WSCD2: variants seen among roughly 807,000 people sequenced by gnomAD.
WSCD2 encodes sialate:O-sulfotransferase 2.
Under a neutral mutation model 55.7 loss-of-function variants are expected in WSCD2, and 28 were observed. The observed-to-expected ratio is 0.50, with a 90% CI of 0.37 to 0.69. WSCD2 has a LOEUF of 0.69. Among genes scored for constraint, WSCD2 ranks in the 30% least tolerant of loss-of-function variants. WSCD2 has a pLI of 0.00. For missense variants in WSCD2, 616 were observed against 762.1 expected (o/e 0.81, Z 2.26); for synonymous variants, 301 against 301.9 (o/e 1.00, Z 0.03).
At chr12:108,237,129 T>C (rs967181319) in intron 7 of WSCD2, among the ~76,000 whole-genome samples, 1 of 152,230 alleles carries the variant, frequency 6.6e-6, no homozygotes, top group Admixed American at 6.5e-5. Context: ...TGTCCATGCC[T>C]GGAGCCAAGA....
Position 108,241,214 on chromosome 12 carries a change from C to T in WSCD2, c.1345+670C>T, listed in dbSNP as rs192660748. On this transcript the variant is annotated intron_variant, in intron 8 of 8. Coordinates refer to ENST00000547525, the MANE Select transcript of WSCD2 (RefSeq NM_014653.4). Reference sequence around the variant, plus strand: ...GGAAATGACAGCATTGAGCCCCAAGCATGGAACGTACTAAGATGACCTGGG... The same window carrying T: ...GGAAATGACAGCATTGAGCCCCAAGTATGGAACGTACTAAGATGACCTGGG... Among the ~76,000 whole-genome samples the T allele has an allele frequency of 3.3e-5, 5 of 152,304 alleles. No individual in the cohort carries two copies. In the East Asian group the frequency reaches 9.6e-4, roughly 29 times the overall value.
intron 2 of WSCD2, among the ~76,000 whole-genome samples, chr12:108,200,488 C>CA (rs1884525355): frequency 1.4e-5 from 2 of 148,016 alleles, no homozygotes; most frequent in African/African-American, 2.5e-5. Context: ...TTCATTTATT[C>CA]TTTCATTCAT....
chr12:108,230,013 A>C (rs1256131711), intron 6 of WSCD2, among the ~76,000 whole-genome samples: 1 of 152,106 alleles, frequency 6.6e-6, no homozygotes, highest in Non-Finnish European at 1.5e-5. Flanking sequence ...TCCATCCCTC[A>C]ATCCTTCCTA....
intron 1 of WSCD2, among the ~76,000 whole-genome samples, chr12:108,141,837 GTT>G (rs1876850164): frequency 1.3e-5 from 2 of 152,198 alleles, no homozygotes; most frequent in Non-Finnish European, 2.9e-5. Context: ...CTTGTAAAGA[GTT>G]TAAGTAAAGT....
chr12:108,221,155 C>T (rs1048894693), intron 4 of WSCD2, among the ~76,000 whole-genome samples: 11 of 152,234 alleles, frequency 7.2e-5, no homozygotes, highest in African/African-American at 2.6e-4. Context: ...TCTGGTTGCC[C>T]GGTGACCTGA....
intron 1 of WSCD2, among the ~76,000 whole-genome samples, chr12:108,169,837 T>G (rs1880044061): frequency 6.6e-6 from 1 of 152,186 alleles, no homozygotes; most frequent in African/African-American, 2.4e-5. Flanking sequence ...TGCCCAGAGC[T>G]TGACTGGCAG....
At chr12:108,228,050 TG>T (rs1297187965) in intron 6 of WSCD2, among the ~76,000 whole-genome samples, 1 of 141,212 alleles carries the variant, frequency 7.1e-6, no homozygotes, top group Non-Finnish European at 1.5e-5. Context: ...CCCTCTTTAC[TG>T]TGGGGCGGGG....
chr12:108,214,431 G>A (rs953589042), intron 4 of WSCD2, among the ~76,000 whole-genome samples: 28 of 152,212 alleles, frequency 1.8e-4, no homozygotes, highest in Non-Finnish European at 4.4e-5. Flanking sequence ...TCTCGGGCAC[G>A]TGGACTCTTT....
intron 1 of WSCD2, among the ~76,000 whole-genome samples, chr12:108,176,717 C>T (rs1373821475): frequency 1.3e-5 from 2 of 152,200 alleles, no homozygotes; most frequent in Non-Finnish European, 2.9e-5. Flanking sequence ...TCCAAAGTGG[C>T]AGTATACCTT....
At chr12:108,239,998 G>C (rs1889595312) in intron 7 of WSCD2, among the ~76,000 whole-genome samples, 1 of 152,178 alleles carries the variant, frequency 6.6e-6, no homozygotes, top group Non-Finnish European at 1.5e-5. Flanking sequence ...TGGGATTACA[G>C]GCGTGAGCCA....
At chr12:108,207,638 C>T (rs1401374669) in intron 3 of WSCD2, among the ~76,000 whole-genome samples, 2 of 149,928 alleles carry the variant, frequency 1.3e-5, no homozygotes, top group African/African-American at 2.5e-5. Context: ...CTGCCCACCT[C>T]GGCTTCCCAA....
intron 7 of WSCD2, among the ~76,000 whole-genome samples, chr12:108,238,781 T>C (rs1464692684): frequency 6.6e-6 from 1 of 152,182 alleles, no homozygotes. Context: ...CTTAATACCA[T>C]ATCCAAATGC....
At position 108,248,372 on chromosome 12, in the gene WSCD2, G is replaced by A. The variant is rs1890235495; in HGVS notation, c.*29G>A. ...GTCCACACAGGGGGAGGGTAGACTG[G>A]GAGTCCTGACCACGCAGGCCCTGGG... On this transcript the variant is annotated 3_prime_UTR_variant, in exon 9 of 9. Transcript: ENST00000547525. The surrounding 1 kb of genome is among the most constrained non-coding windows in gnomAD (Gnocchi z 4.3). 3.8e-6 allele frequency: 6 copies of A among 1,592,104 alleles called. No homozygotes were observed. In the African/African-American group the frequency reaches 5.4e-5, roughly 14 times the overall value.
intron 1 of WSCD2, among the ~76,000 whole-genome samples, chr12:108,138,881 G>A (rs1403821017): frequency 6.6e-6 from 1 of 152,198 alleles, no homozygotes; most frequent in Non-Finnish European, 1.5e-5. Flanking sequence ...CTGGGCCCTG[G>A]GAGATGAGCC....
At chr12:108,242,936 TG>T (rs1219105272) in intron 8 of WSCD2, among the ~76,000 whole-genome samples, 1 of 152,334 alleles carries the variant, frequency 6.6e-6, no homozygotes, top group Non-Finnish European at 1.5e-5. Context: ...GGGTCCCATA[TG>T]AGTCTGAGAT....
At chr12:108,232,631 T>C in intron 6 of WSCD2, 100 bp from the exon 7 acceptor site, 3 of 1,222,946 alleles carry the variant, frequency 2.5e-6, no homozygotes, top group South Asian at 3.1e-5. Flanking sequence ...CTTGATCACC[T>C]GGCTGAGAAG....
chr12:108,149,545 T>C (rs1877747961), intron 1 of WSCD2, among the ~76,000 whole-genome samples: 1 of 152,156 alleles, frequency 6.6e-6, no homozygotes, highest in South Asian at 2.1e-4. Context: ...ACTTGACAGA[T>C]GAGGAAGCTG....
At chr12:108,226,540 G>A (rs906824107) in intron 5 of WSCD2, among the ~76,000 whole-genome samples, 1 of 152,134 alleles carries the variant, frequency 6.6e-6, no homozygotes, top group Non-Finnish European at 1.5e-5. Context: ...GTGTTTAAGC[G>A]TCAACACCTC....
chr12:108,229,546 C>T (rs2137182198), intron 6 of WSCD2, among the ~76,000 whole-genome samples: 1 of 152,294 alleles, frequency 6.6e-6, no homozygotes, highest in Middle Eastern at 3.4e-3. Flanking sequence ...TTTATTAGCC[C>T]TGTTTTATAG....
Sources: gnomAD v4.1 joint callset for allele counts (sites outside exome capture counted in the v4.1 genomes callset) on GRCh38, gnomAD v4.1.1 for gene constraint, Gnocchi (gnomAD v3.1) non-coding constraint, MANE v1.5 for transcripts, NCBI Gene and HGNC (gene_info 2026-07-23, HGNC 2026-07-21) for gene names.